The following ABHD12B variants were observed in gnomAD, a reference collection of about 807,000 sequenced individuals.
ABHD12B encodes the protein abhydrolase domain containing 12B, also known as protein ABHD12B.
In ABHD12B, 42 loss-of-function variants were observed where a neutral mutation model predicts 50.4. The ratio of observed to expected loss-of-function variants is 0.83; its 90% CI spans 0.65 to 1.08. ABHD12B has a LOEUF of 1.08. Among genes scored for constraint, ABHD12B ranks in the 50% least tolerant of loss-of-function variants. ABHD12B has a pLI of 0.00. For synonymous variants in ABHD12B, 167 were observed against 160.3 expected (o/e 1.04, Z -0.32); for missense variants, 479 against 447.7 (o/e 1.07, Z -0.63).
chr14:50,878,676 C>T lies in ABHD12B; in HGVS notation c.233-69C>T. 4 of 1,324,682 alleles carry T rather than the reference C, an allele frequency of 3.0e-6. No homozygotes were observed. In the South Asian group the frequency reaches 3.8e-5, roughly 12 times the overall value. 82.1% of individuals were successfully genotyped at this position (1,324,682 alleles called of 1,614,324 possible). A position where few individuals can be genotyped will look rare whatever the true frequency, so the allele number is the denominator to read the frequency against. ...CCTGTTAACCTGTGTAGGCTAATTC[C>T]TTTCTTTGATTGTGATTAAAAGGCA... On this transcript the variant is annotated intron_variant, in intron 2 of 12. Coordinates refer to ENST00000337334, the MANE Select transcript of ABHD12B (RefSeq NM_001206673.2).
intron 9 of ABHD12B, chr14:50,892,769 T>A (rs1287893270): frequency 1.2e-5 from 3 of 247,360 alleles, no homozygotes; most frequent in African/African-American, 4.6e-5. Flanking sequence ...TTTTTCTAAT[T>A]TATGTACTAA....
chr14:50,896,086 C>T (rs1451702517), intron 9 of ABHD12B, among the ~76,000 whole-genome samples: 3 of 151,830 alleles, frequency 2.0e-5, no homozygotes, highest in African/African-American at 7.3e-5. Context: ...GATACCTCTA[C>T]TCCCTCCTTG....
intron 1 of ABHD12B, among the ~76,000 whole-genome samples, chr14:50,875,163 C>T (rs576073707): frequency 2.3e-4 from 35 of 152,212 alleles, no homozygotes; most frequent in African/African-American, 6.7e-4. Context: ...GCTGAGGCCC[C>T]GTTATTATTT....
chr14:50,887,039 C>T (rs756494689), intron 8 of ABHD12B, among the ~76,000 whole-genome samples: 2 of 151,786 alleles, frequency 1.3e-5, no homozygotes, highest in South Asian at 2.1e-4. Flanking sequence ...GATGGTGAAA[C>T]CCTGTCTCTA....
intron 8 of ABHD12B, among the ~76,000 whole-genome samples, chr14:50,887,171 C>T (rs1316668462): frequency 7.8e-6 from 1 of 127,906 alleles, no homozygotes; most frequent in African/African-American, 3.0e-5. Context: ...CCGAGATTGC[C>T]ACTGCATTCT....
intron 9 of ABHD12B, among the ~76,000 whole-genome samples, chr14:50,897,502 G>A (rs971527254): frequency 5.9e-5 from 9 of 152,096 alleles, no homozygotes; most frequent in Non-Finnish European, 1.3e-4. Flanking sequence ...TCTTTGTTTT[G>A]ATTAGTGTTT....
rs551710542 is a variant in ABHD12B at position 50,894,911 on chromosome 14, A to T, written c.780+6008A>T. Among the ~76,000 whole-genome samples the T allele has an allele frequency of 2.7e-4, 40 of 148,314 alleles. No homozygotes were observed. In the East Asian group the frequency reaches 6.6e-3, roughly 24 times the overall value. On this transcript the variant is annotated intron_variant, in intron 9 of 12. Coordinates refer to ENST00000337334, the MANE Select transcript of ABHD12B (RefSeq NM_001206673.2). The stretch of plus-strand genomic sequence containing the variant: ...CTCAGCCTCTGCTCCTCCACCCTAT[A>T]ATCTTTTTATCGCCTCCCCTCCTCA...
At chr14:50,884,057 G>C (rs1234852686) in intron 5 of ABHD12B, among the ~76,000 whole-genome samples, 2 of 152,050 alleles carry the variant, frequency 1.3e-5, no homozygotes, top group Non-Finnish European at 2.9e-5. Flanking sequence ...CAGTTTAAAA[G>C]GTTGTGTCAT....
Position 50,878,968 on chromosome 14 carries a change from G to A in ABHD12B, c.335+121G>A, listed in dbSNP as rs1358890899. 4 of 760,634 alleles carry A rather than the reference G, an allele frequency of 5.3e-6. No homozygotes were observed. The African/African-American group carries it at 7.0e-5, about 13-fold the overall frequency. 47.1% of individuals were successfully genotyped at this position (760,634 alleles called of 1,614,324 possible). Reference sequence around the variant, plus strand: ...TCGGTGCTCCTGGAGGTACCTGGAGGCTGTTTCCTACACCTTCCTCTTCTG... The same window carrying A: ...TCGGTGCTCCTGGAGGTACCTGGAGACTGTTTCCTACACCTTCCTCTTCTG... On this transcript the variant is annotated intron_variant, in intron 3 of 12. Coordinates refer to ENST00000337334, the MANE Select transcript of ABHD12B (RefSeq NM_001206673.2).
intron 9 of ABHD12B, among the ~76,000 whole-genome samples, chr14:50,897,186 C>T (rs2050210621): frequency 6.6e-6 from 1 of 151,728 alleles, no homozygotes; most frequent in African/African-American, 2.4e-5. Flanking sequence ...TATTCTCCTG[C>T]CCCACCCTCC....
intron 9 of ABHD12B, among the ~76,000 whole-genome samples, chr14:50,901,240 G>A (rs1012283146): frequency 7.2e-5 from 11 of 152,314 alleles, no homozygotes; most frequent in African/African-American, 2.6e-4. Flanking sequence ...TGTAAAAGTG[G>A]ATTTAGCTAG....
chr14:50,882,211 CAGG>C, intron 5 of ABHD12B, among the ~76,000 whole-genome samples: 1 of 146,250 alleles, frequency 6.8e-6, no homozygotes, highest in Non-Finnish European at 1.5e-5. Flanking sequence ...GCTGGGATTA[CAGG>C]CGCGAACCAC....
chr14:50,876,175 G>T (rs2049861492), intron 1 of ABHD12B, among the ~76,000 whole-genome samples: 1 of 152,218 alleles, frequency 6.6e-6, no homozygotes, highest in Non-Finnish European at 1.5e-5. Flanking sequence ...CTATTTTAAA[G>T]TATTATGAAA....
chr14:50,878,614 T>G (rs2049894979), intron 2 of ABHD12B, 131 bp from the exon 3 acceptor site: 3 of 710,940 alleles, frequency 4.2e-6, no homozygotes, highest in African/African-American at 3.6e-5. Context: ...TAAAATACTC[T>G]GCTAGGAGTT....
intron 4 of ABHD12B, 39 bp downstream of exon 4, chr14:50,880,610 T>A (rs746483075): frequency 6.6e-6 from 10 of 1,510,814 alleles, no homozygotes; most frequent in African/African-American, 1.4e-5. Flanking sequence ...TTCAGGAGAT[T>A]GAGAGCATTT....
intron 9 of ABHD12B, among the ~76,000 whole-genome samples, chr14:50,894,977 C>T (rs1294073619): frequency 6.7e-6 from 1 of 149,422 alleles, no homozygotes; most frequent in Non-Finnish European, 1.5e-5. Flanking sequence ...GACTAGCCCT[C>T]CCCCACCTGC....
rs752584197 is a variant in ABHD12B, at chr14:50,878,859, G to C, written c.335+12G>C. 1.2e-5 allele frequency: 20 copies of C among 1,609,706 alleles called. No individual in the cohort carries two copies. The highest frequency in any genetic ancestry group is 3.3e-5 in the Admixed American group (2 of 59,984). On this transcript the variant is annotated intron_variant, in intron 3 of 12. Coordinates refer to ENST00000337334, the MANE Select transcript of ABHD12B (RefSeq NM_001206673.2). Reference sequence around the variant, plus strand: ...ATGCTAGGGATCTGGTGAGTGCACGGATGGGACACCGGGTTGCTTGATGGG... The same window carrying C: ...ATGCTAGGGATCTGGTGAGTGCACGCATGGGACACCGGGTTGCTTGATGGG...
At chr14:50,882,546 T>C (rs1412033564) in intron 5 of ABHD12B, among the ~76,000 whole-genome samples, 1 of 151,390 alleles carries the variant, frequency 6.6e-6, no homozygotes, top group Non-Finnish European at 1.5e-5. Flanking sequence ...CCGGCTAATT[T>C]TGTTTTTGTA....
chr14:50,900,744 G>A (rs2142771167), intron 9 of ABHD12B, among the ~76,000 whole-genome samples: 1 of 152,326 alleles, frequency 6.6e-6, no homozygotes, highest in Non-Finnish European at 1.5e-5. Flanking sequence ...TCCAGAAGCA[G>A]AAGGCAGCAG....
Sources: gnomAD v4.1 joint callset for allele counts (sites outside exome capture counted in the v4.1 genomes callset) on GRCh38, gnomAD v4.1.1 for gene constraint, MANE v1.5 for transcripts, NCBI Gene and HGNC (gene_info 2026-07-23, HGNC 2026-07-21) for gene names.